PRELID2: variants seen among roughly 807,000 people sequenced by gnomAD.
PRELID2 encodes the protein PRELI domain containing 2, also known as PRELI domain-containing protein 2.
A neutral mutation model predicts 28.4 loss-of-function variants in PRELID2; 25 were observed. The ratio of observed to expected loss-of-function variants is 0.88; its 90% CI spans 0.64 to 1.23. The LOEUF is 1.23. PRELID2 is among the 50% of genes most tolerant of loss of function. The pLI is 0.00. For missense variants in PRELID2, 201 were observed against 214.4 expected, an observed-to-expected ratio of 0.94 and a Z score of 0.39; for synonymous variants, 76 against 71.6, an observed-to-expected ratio of 1.06 and a Z score of -0.31.
At chr5:145,817,238 C>T (rs1399210524) in intron 4 of PRELID2, among the ~76,000 whole-genome samples, 2 of 95,934 alleles carry the variant, frequency 2.1e-5, no homozygotes, top group Non-Finnish European at 2.5e-5. Flanking sequence ...TATATATATA[C>T]TTTAGATAAA....
chr5:145,666,117 T>A (rs1159712741), intron 1 of PRELID2, among the ~76,000 whole-genome samples: 1 of 152,060 alleles, frequency 6.6e-6, no homozygotes, highest in Admixed American at 6.6e-5. Flanking sequence ...GCTGGCTCCT[T>A]CCTCTCCAGG....
chr5:145,353,548 A>G, the PRELID2 span, among the ~76,000 whole-genome samples: 3 of 152,148 alleles, frequency 2.0e-5, no homozygotes, highest in Admixed American at 6.6e-5. Context: ...ACAGTTCTGC[A>G]TGGCTGAGGA....
chr5:145,252,289 C>A, the PRELID2 span, among the ~76,000 whole-genome samples: 1 of 152,102 alleles, frequency 6.6e-6, no homozygotes, highest in Non-Finnish European at 1.5e-5. Flanking sequence ...AATGTAGATT[C>A]TCTGGCCCTG....
At chr5:145,320,929 A>C in the PRELID2 span, among the ~76,000 whole-genome samples, 3 of 152,260 alleles carry the variant, frequency 2.0e-5, no homozygotes, top group Non-Finnish European at 4.4e-5. Flanking sequence ...CTATATGCTC[A>C]GCGTAGTACT....
chr5:145,377,657 G>T, the PRELID2 span, among the ~76,000 whole-genome samples: 1 of 152,038 alleles, frequency 6.6e-6, no homozygotes, highest in Non-Finnish European at 1.5e-5. Context: ...TTCACTTAAA[G>T]ACTGTTTTGT....
At chr5:145,657,150 G>GATA (rs1301852798) in intron 1 of PRELID2, among the ~76,000 whole-genome samples, 11 of 152,040 alleles carry the variant, frequency 7.2e-5, no homozygotes, top group South Asian at 4.2e-4. Context: ...GGGTCAAACA[G>GATA]ATAATAATAA....
intron 1 of PRELID2, among the ~76,000 whole-genome samples, chr5:145,744,459 G>GT: frequency 6.6e-6 from 1 of 152,166 alleles, no homozygotes; most frequent in East Asian, 1.9e-4. Flanking sequence ...CTGGCATCAG[G>GT]TTGGTGCCCC....
At chr5:145,562,832 C>A (rs1474276243) in intron 1 of PRELID2, among the ~76,000 whole-genome samples, 1 of 151,862 alleles carries the variant, frequency 6.6e-6, no homozygotes, top group African/African-American at 2.4e-5. Context: ...TAAATTTAAA[C>A]AAAATAAATA....
At chr5:145,589,793 C>T (rs1753203573) in intron 1 of PRELID2, among the ~76,000 whole-genome samples, 3 of 151,770 alleles carry the variant, frequency 2.0e-5, no homozygotes, top group Admixed American at 1.3e-4. Context: ...CATATTTTTC[C>T]ATGTTTCCTT....
At chr5:145,748,973 C>T (rs973697906) in intron 1 of PRELID2, among the ~76,000 whole-genome samples, 1 of 152,036 alleles carries the variant, frequency 6.6e-6, no homozygotes, top group South Asian at 2.1e-4. Context: ...CAAAAATTAA[C>T]TCAAGATGGA....
chr5:145,595,068 C>T (rs1051911153), intron 1 of PRELID2, among the ~76,000 whole-genome samples: 1 of 151,558 alleles, frequency 6.6e-6, no homozygotes, highest in Non-Finnish European at 1.5e-5. Flanking sequence ...GCAGAGGTTG[C>T]AGTGAGCCAA....
intron 1 of PRELID2, among the ~76,000 whole-genome samples, chr5:145,522,625 C>T (rs1445756137): frequency 4.6e-5 from 7 of 152,202 alleles, no homozygotes; most frequent in Non-Finnish European, 1.0e-4. Context: ...AAGAAGTACC[C>T]ATACACTAGA....
the PRELID2 span, among the ~76,000 whole-genome samples, chr5:145,350,693 A>G: frequency 7.2e-3 from 1,096 of 152,278 alleles, 5 homozygotes; most frequent in Non-Finnish European, 0.013. Flanking sequence ...CATACTCACA[A>G]TGAATCAGAG....
chr5:145,658,655 TC>T (rs901551994), intron 1 of PRELID2, among the ~76,000 whole-genome samples: 38 of 152,180 alleles, frequency 2.5e-4, no homozygotes, highest in Non-Finnish European at 8.8e-5. Context: ...TCCTTTGCCT[TC>T]CGTCATGACT....
At chr5:145,314,235 A>G in the PRELID2 span, among the ~76,000 whole-genome samples, 1 of 152,222 alleles carries the variant, frequency 6.6e-6, no homozygotes. Context: ...TCCTAATCCC[A>G]GCATTTTTTA....
chr5:145,719,781 A>G (rs914882676), intron 1 of PRELID2, among the ~76,000 whole-genome samples: 1 of 152,022 alleles, frequency 6.6e-6, no homozygotes, highest in Non-Finnish European at 1.5e-5. Context: ...CCAACCTCCA[A>G]AACAACTACA....
chr5:145,472,087 G>A (rs1752060404), exon 3 of PRELID2: 1 of 152,438 alleles, frequency 6.6e-6, no homozygotes, highest in South Asian at 2.1e-4. Context: ...AGAGGGTGAG[G>A]AGGGGTGTGG....
chr5:145,753,885 G>A (rs17103704), downstream of PRELID2, among the ~76,000 whole-genome samples: 3,115 of 152,058 alleles, frequency 0.02, 90 homozygotes, highest in East Asian at 0.077. Flanking sequence ...GTCCTGAGTC[G>A]CTACCACAGT....
At chr5:145,349,799 ATTAATGTAC>A in the PRELID2 span, among the ~76,000 whole-genome samples, 1 of 152,218 alleles carries the variant, frequency 6.6e-6, no homozygotes, top group Non-Finnish European at 1.5e-5. Flanking sequence ...TCACAGGGCC[ATTAATGTAC>A]TACAGTAATA....
Sources: allele counts gnomAD v4.1 joint callset (sites outside exome capture counted in the v4.1 genomes callset), GRCh38; gene constraint gnomAD v4.1.1; transcripts MANE v1.5; gene names NCBI Gene and HGNC (gene_info 2026-07-23, HGNC 2026-07-21).